Variants in SLC43A1 observed in about 807,000 individuals in gnomAD.
SLC43A1 encodes the protein solute carrier family 43 member 1.
In SLC43A1, 31 loss-of-function variants were observed where a neutral mutation model predicts 59.5. The observed-to-expected ratio is 0.52, with a 90% CI of 0.39 to 0.70. The LOEUF (loss-of-function observed/expected upper bound fraction) is 0.70. SLC43A1 is among the 30% of genes least tolerant of loss of function. SLC43A1 has a pLI of 0.00. For missense variants in SLC43A1, 598 were observed against 717.8 expected (o/e 0.83, Z 1.91); for synonymous variants, 259 against 290.9 (o/e 0.89, Z 1.12).
In SLC43A1 at chr11:57,487,236, AGT is replaced by A. The variant is rs1262966016; in HGVS notation, c.1410-20_1410-19del. The A allele has an allele frequency of 1.2e-6, 2 of 1,610,040 alleles. No individual in the cohort carries two copies. Among genetic ancestry groups the A allele is most frequent in the Non-Finnish European group, 1.7e-6 (2 of 1,177,300 alleles). On this transcript the variant is annotated intron_variant, in intron 13 of 14. Transcript: ENST00000278426. ...ATGGGAACCTGTCCACGAGACGGGGAGTATCAGGGGTGTGTGGCCCTCTCCAG... is the reference window on the plus strand; with the variant it reads ...ATGGGAACCTGTCCACGAGACGGGGAATCAGGGGTGTGTGGCCCTCTCCAG...
chr11:57,492,206 AATAT>A (rs1193113517), intron 8 of SLC43A1, among the ~76,000 whole-genome samples: 1 of 142,284 alleles, frequency 7.0e-6, no homozygotes, highest in African/African-American at 2.6e-5. Flanking sequence ...TATCTCTAAA[AATAT>A]ATATATATAT....
chr11:57,507,446 G>A (rs1565140903), intron 2 of SLC43A1, among the ~76,000 whole-genome samples: 1 of 152,130 alleles, frequency 6.6e-6, no homozygotes, highest in Non-Finnish European at 1.5e-5. Context: ...CTCCAGTCTG[G>A]GCGACAAAGC....
chr11:57,491,925 GCT>G, intron 8 of SLC43A1, 63 bp from the exon 9 acceptor site: 1 of 1,526,184 alleles, frequency 6.6e-7, no homozygotes, highest in East Asian at 2.3e-5. Context: ...GATTGTCCCA[GCT>G]CATGCAGTTC....
intron 7 of SLC43A1, among the ~76,000 whole-genome samples, chr11:57,495,204 A>G (rs559342166): frequency 6.6e-6 from 1 of 151,934 alleles, no homozygotes; most frequent in East Asian, 2.0e-4. Context: ...AATAGTTACC[A>G]TGAGCTGAGC....
chr11:57,509,372 G>A (rs1037601155), intron 2 of SLC43A1, among the ~76,000 whole-genome samples: 1 of 151,832 alleles, frequency 6.6e-6, no homozygotes, highest in Non-Finnish European at 1.5e-5. Flanking sequence ...GGTGGATCAC[G>A]AGGTCAGGAG....
chr11:57,498,492 C>A (rs1352673816), intron 5 of SLC43A1, among the ~76,000 whole-genome samples: 3 of 152,112 alleles, frequency 2.0e-5, no homozygotes, highest in Non-Finnish European at 4.4e-5. Context: ...TCTTGTCCAA[C>A]CCATTTGAGA....
chr11:57,515,079 C>T lies in SLC43A1; in HGVS notation c.-14+365G>A, dbSNP rs1352967954. On this transcript the variant is annotated intron_variant, in intron 1 of 14. Coordinates refer to ENST00000278426, the MANE Select transcript of SLC43A1 (RefSeq NM_003627.6). This position sits in a 1 kb window ranked among gnomAD's most constrained non-coding sequence, Gnocchi z 5.3. ...GGAGAGGAGAAGGGCAAGAAAGACC[C>T]AGAGAGAGGGGAGGAAGTACCAGTC... The T allele has an allele frequency of 5.1e-6, 5 of 985,204 alleles. No individual in the cohort carries two copies. In the African/African-American group the frequency reaches 7.0e-5, roughly 14 times the overall value. The allele number at this position is 985,204 out of a possible 1,614,324, so 61.0% of individuals were successfully genotyped here.
chr11:57,485,719 G>T (rs915160264), intron 14 of SLC43A1, among the ~76,000 whole-genome samples: 2 of 152,178 alleles, frequency 1.3e-5, no homozygotes, highest in Admixed American at 1.3e-4. Context: ...GCTCTGACTC[G>T]GTTCACATCC....
In SLC43A1 at chr11:57,496,095, A is replaced by C. The variant is rs762388537; in HGVS notation, c.628T>G (p.Phe210Val). ...GGCCAGTTGAGGGTGCAGTTCAGAA[A>C]GATAAGGCAGGCCAGGCCAGACCAG... ...FTWSGLACLI[F>V]LNCTLNWPIE... The change falls in exon 7 of 15, where the codon TTT becomes GTT. Residue 210 changes from phenylalanine (F) to valine (V), a missense_variant. By Grantham distance (50) the Phe-to-Val change is conservative. Coordinates refer to ENST00000278426, the MANE Select transcript of SLC43A1 (RefSeq NM_003627.6). 6.2e-7 allele frequency: 1 copy of C among 1,614,032 alleles called. No homozygotes were observed. The highest frequency in any genetic ancestry group is 1.3e-5 in the African/African-American group (1 of 74,910).
In SLC43A1 at chr11:57,512,773, CCT is replaced by C. The variant is rs112929892; in HGVS notation, c.154+1183_154+1184del. Among the ~76,000 whole-genome samples, 881 of 152,154 alleles carry C rather than the reference CCT, an allele frequency of 5.8e-3. 6 individuals carry two copies. The highest frequency in any genetic ancestry group is 0.02 in the African/African-American group (844 of 41,496). On this transcript the variant is annotated intron_variant, in intron 2 of 14. Transcript: ENST00000278426. The stretch of plus-strand genomic sequence containing the variant: ...GCTGCCAACCCCACCTCCTCCAGCC[CCT>C]GTCACCCCATAATTGGGGCCAGGAG...
intron 6 of SLC43A1, among the ~76,000 whole-genome samples, chr11:57,497,110 G>A (rs1481982019): frequency 2.0e-5 from 3 of 152,190 alleles, no homozygotes; most frequent in Non-Finnish European, 4.4e-5. Flanking sequence ...GAGACACTGA[G>A]CAAAAGTACC....
At chr11:57,489,897 C>A (rs1943850882) in intron 11 of SLC43A1, among the ~76,000 whole-genome samples, 1 of 152,216 alleles carries the variant, frequency 6.6e-6, no homozygotes, top group South Asian at 2.1e-4. Flanking sequence ...CCGGCACAAT[C>A]AAGGGCACTG....
At chr11:57,508,805 C>CA (rs112135666) in intron 2 of SLC43A1, among the ~76,000 whole-genome samples, 400 of 149,912 alleles carry the variant, frequency 2.7e-3, no homozygotes, top group Middle Eastern at 0.014. Flanking sequence ...TGAAACAAAA[C>CA]AAAAAAAAAC....
chr11:57,501,187 G>A lies in SLC43A1; in HGVS notation c.297C>T (p.Asp99=), dbSNP rs764657069. ...GCCGCACGGGTCGGGGGCCAAAGCG[G>A]TCCATGAGGATCCCCAGTGGCAGGG... ...ATTLPLGILM[D]RFGPRPVRLV... is the part of the protein sequence containing the mutation. The change falls in exon 3 of 15, where the codon GAC becomes GAT. Residue 99 remains aspartate, a synonymous_variant. Coordinates refer to ENST00000278426, the MANE Select transcript of SLC43A1 (RefSeq NM_003627.6). The A allele has an allele frequency of 3.1e-5, 50 of 1,612,362 alleles. No homozygotes were observed. In the Admixed American group the frequency reaches 8.3e-4, roughly 27 times the overall value.
rs1289309812 is a variant in SLC43A1 at position 57,486,181 on chromosome 11, T to G, written c.1533+914A>C. Among the ~76,000 whole-genome samples the G allele has an allele frequency of 2.6e-5, 4 of 151,776 alleles. No homozygotes were observed. In the East Asian group the frequency reaches 7.8e-4, roughly 30 times the overall value. The stretch of plus-strand genomic sequence containing the variant: ...TGGCCACTTCACAAAGCACCTGGAG[T>G]TTACTAAAAACAGACTCCTAGGAGG... On this transcript the variant is annotated intron_variant, in intron 14 of 14. Transcript: ENST00000278426.
chr11:57,489,741 A>G (rs940355877), intron 11 of SLC43A1, among the ~76,000 whole-genome samples: 1 of 152,190 alleles, frequency 6.6e-6, no homozygotes, highest in Non-Finnish European at 1.5e-5. Flanking sequence ...AGGTTTGAGA[A>G]CCAAGGATGG....
chr11:57,510,124 CA>C (rs1490456864), intron 2 of SLC43A1, among the ~76,000 whole-genome samples: 2 of 151,988 alleles, frequency 1.3e-5, no homozygotes, highest in Admixed American at 6.6e-5. Context: ...ATCAAAATCA[CA>C]AAAAAACTTT....
rs1022032495 is a variant in SLC43A1, at chr11:57,514,323, G to A, written c.-13-199C>T. The A allele has an allele frequency of 1.0e-5, 6 of 588,006 alleles. No individual in the cohort carries two copies. The highest frequency in any genetic ancestry group is 1.8e-5 in the Non-Finnish European group (6 of 339,782). The allele number at this position is 588,006 out of a possible 1,614,324, so 36.4% of individuals were successfully genotyped here. A position where few individuals can be genotyped will look rare whatever the true frequency, so the allele number is the denominator to read the frequency against. ...GCAGTGCCAGAGGTGCACGCGGCACGGGGCTCCCGCTGAGCCACTATCGGA... is the reference window on the plus strand; with the variant it reads ...GCAGTGCCAGAGGTGCACGCGGCACAGGGCTCCCGCTGAGCCACTATCGGA... On this transcript the variant is annotated intron_variant, in intron 1 of 14. Coordinates refer to ENST00000278426, the MANE Select transcript of SLC43A1 (RefSeq NM_003627.6). This position sits in a 1 kb window ranked among gnomAD's most constrained non-coding sequence, Gnocchi z 5.5.
chr11:57,490,660 C>T (rs1450183524), intron 11 of SLC43A1, among the ~76,000 whole-genome samples: 2 of 152,212 alleles, frequency 1.3e-5, no homozygotes, highest in African/African-American at 4.8e-5. Flanking sequence ...ACTATGTCTT[C>T]ATGAGAGACT....
Sources: allele counts gnomAD v4.1 joint callset (sites outside exome capture counted in the v4.1 genomes callset), GRCh38; gene constraint gnomAD v4.1.1; non-coding constraint Gnocchi (gnomAD v3.1); transcripts MANE v1.5; gene names NCBI Gene and HGNC (gene_info 2026-07-23, HGNC 2026-07-21).